SV2C: variants seen among roughly 807,000 people sequenced by gnomAD.
SV2C encodes solute carrier family 22 member B3.
Under a neutral mutation model 79.7 loss-of-function variants are expected in SV2C, and 49 were observed. That is an observed-to-expected ratio of 0.61 (90% confidence interval 0.49 to 0.78). The LOEUF (loss-of-function observed/expected upper bound fraction) is 0.78, where lower values mean the gene tolerates loss of function less well. SV2C is among the 30% of genes least tolerant of loss of function. The probability of loss-of-function intolerance (pLI) is 0.00; values close to 1 mark genes in which losing one functional copy is unlikely to be tolerated. For missense variants in SV2C, 833 were observed against 912.9 expected (o/e 0.91, Z 1.13); for synonymous variants, 334 against 333.2 (o/e 1.00, Z -0.03).
chr5:76,089,789 GC>G lies in SV2C; in HGVS notation c.-102+6278del, dbSNP rs953928139. 3.3e-5 allele frequency among the ~76,000 whole-genome samples: 5 copies of G among 152,232 alleles called. No individual in the cohort carries two copies. In the South Asian group the frequency reaches 1.0e-3, roughly 32 times the overall value. On this transcript the variant is annotated intron_variant, in intron 1 of 12. Coordinates refer to ENST00000502798, the MANE Select transcript of SV2C (RefSeq NM_014979.4). ...TTTCTCTAATGATCAGATATGTTGA[GC>G]TTTTTTAACCATGAACAAGTTTCTT...
the SV2C span, among the ~76,000 whole-genome samples, chr5:75,957,362 G>A: frequency 6.6e-6 from 1 of 152,022 alleles, no homozygotes; most frequent in African/African-American, 2.4e-5. Flanking sequence ...CAATAACTAT[G>A]AGCTGCTATA....
chr5:76,103,053 T>TA (rs1325951735), intron 1 of SV2C, among the ~76,000 whole-genome samples: 1 of 152,158 alleles, frequency 6.6e-6, no homozygotes, highest in Non-Finnish European at 1.5e-5. Flanking sequence ...CCCATTCTGT[T>TA]AGAGTATCAG....
the SV2C span, among the ~76,000 whole-genome samples, chr5:75,866,934 C>T: frequency 0.11 from 16,787 of 152,052 alleles, 993 homozygotes; most frequent in East Asian, 0.16. Context: ...AGGGCTTCCT[C>T]GGTGGATTTA....
the SV2C span, among the ~76,000 whole-genome samples, chr5:75,972,242 A>T: frequency 6.6e-6 from 1 of 152,220 alleles, no homozygotes; most frequent in East Asian, 1.9e-4. Flanking sequence ...AACCTAGGCA[A>T]TACCATTCAG....
the SV2C span, among the ~76,000 whole-genome samples, chr5:75,956,576 T>C: frequency 6.6e-6 from 1 of 151,872 alleles, no homozygotes; most frequent in Non-Finnish European, 1.5e-5. Flanking sequence ...GCCTATCATC[T>C]CTTGTAGATG....
chr5:76,248,060 A>G (rs1248428246), intron 4 of SV2C, among the ~76,000 whole-genome samples: 1 of 152,190 alleles, frequency 6.6e-6, no homozygotes, highest in African/African-American at 2.4e-5. Flanking sequence ...AGTTATATGC[A>G]TGTCCTATTT....
chr5:76,173,648 G>A (rs1422295448), intron 2 of SV2C: 1 of 1,613,126 alleles, frequency 6.2e-7, no homozygotes, highest in Non-Finnish European at 8.5e-7. Flanking sequence ...CTGACATGAT[G>A]ACTTTTTGCG....
rs561216746 is a variant in SV2C, at chr5:76,194,926, A to G, written c.588A>G (p.Ile196Met). 1.5e-4 allele frequency: 236 copies of G among 1,613,910 alleles called. 4 individuals are homozygous for G. The South Asian group carries it at 2.4e-3, about 16-fold the overall frequency. ...PNSGSGWLGS[I>M]VYLGMMVGAF... ...GTTTTCTGTGTGTTGCAGGCAGCAT[A>G]GTGTACCTCGGGATGATGGTGGGGG... Residue 196 changes from isoleucine to methionine, a missense_variant, in exon 3 of 13, where the codon ATA becomes ATG. By Grantham distance (10) the Ile-to-Met change is conservative. Transcript: ENST00000502798.
intron 2 of SV2C, among the ~76,000 whole-genome samples, chr5:76,182,680 T>G (rs945653141): frequency 2.0e-5 from 3 of 152,160 alleles, no homozygotes; most frequent in Middle Eastern, 3.2e-3. Flanking sequence ...TTCAGGAGAT[T>G]CAGTGACCTG....
At chr5:75,944,211 A>G in the SV2C span, among the ~76,000 whole-genome samples, 1 of 152,122 alleles carries the variant, frequency 6.6e-6, no homozygotes, top group Non-Finnish European at 1.5e-5. Flanking sequence ...ATGTTGACTA[A>G]GAACTTGGAA....
chr5:76,210,435 C>T (rs1321316520), intron 4 of SV2C, among the ~76,000 whole-genome samples: 1 of 152,124 alleles, frequency 6.6e-6, no homozygotes, highest in Non-Finnish European at 1.5e-5. Context: ...CTCTCATTCA[C>T]CAGTTTATGG....
At chr5:76,049,855 G>A in the SV2C span, among the ~76,000 whole-genome samples, 177 of 152,142 alleles carry the variant, frequency 1.2e-3, 3 homozygotes, top group East Asian at 0.032. Flanking sequence ...GTTACATCAC[G>A]TGGCTTTAGT....
chr5:75,857,061 G>T, the SV2C span, among the ~76,000 whole-genome samples: 1 of 149,818 alleles, frequency 6.7e-6, no homozygotes, highest in South Asian at 2.1e-4. Context: ...GATTCAAGCC[G>T]ATTCTCCTGC....
At chr5:76,168,674 C>A (rs114828308) in intron 2 of SV2C, among the ~76,000 whole-genome samples, 1,932 of 152,270 alleles carry the variant, frequency 0.013, 30 homozygotes, top group Non-Finnish European at 0.017. Context: ...TCCTTGTCAG[C>A]CCTTACTTCT....
chr5:76,101,341 G>T (rs1210359605), intron 1 of SV2C, among the ~76,000 whole-genome samples: 3 of 152,186 alleles, frequency 2.0e-5, no homozygotes, highest in African/African-American at 7.2e-5. Context: ...CTTAGGTCAG[G>T]AACAGCCTTG....
chr5:75,908,206 A>G, the SV2C span, among the ~76,000 whole-genome samples: 3 of 152,210 alleles, frequency 2.0e-5, no homozygotes, highest in South Asian at 6.2e-4. Flanking sequence ...ACTCCCCAGC[A>G]TTAGGTGACA....
intron 1 of SV2C, among the ~76,000 whole-genome samples, chr5:76,084,858 G>T (rs1365006932): frequency 6.6e-6 from 1 of 151,888 alleles, no homozygotes; most frequent in African/African-American, 2.4e-5. Context: ...GCGGGGCGGC[G>T]AGGAAAGCCC....
the SV2C span, among the ~76,000 whole-genome samples, chr5:76,001,586 C>T: frequency 1.7e-5 from 2 of 119,654 alleles, no homozygotes; most frequent in African/African-American, 5.9e-5. Flanking sequence ...AAGACTCCAT[C>T]TCAGAAAAAA....
At chr5:76,171,546 G>A (rs1743251995) in intron 2 of SV2C, among the ~76,000 whole-genome samples, 1 of 142,588 alleles carries the variant, frequency 7.0e-6, no homozygotes, top group Non-Finnish European at 1.6e-5. Context: ...CCGCCCGGCA[G>A]CCACCCCATC....
Sources: gnomAD v4.1 joint callset for allele counts (sites outside exome capture counted in the v4.1 genomes callset) on GRCh38, gnomAD v4.1.1 for gene constraint, MANE v1.5 for transcripts, NCBI Gene and HGNC (gene_info 2026-07-23, HGNC 2026-07-21) for gene names.